TNFRSF11A: variants seen among roughly 807,000 people sequenced by gnomAD.
TNFRSF11A encodes the protein tumor necrosis factor receptor superfamily member 11A.
Under a neutral mutation model 55.7 loss-of-function variants are expected in TNFRSF11A, and 32 were observed. That is an observed-to-expected ratio of 0.57 (90% CI 0.43 to 0.77). The LOEUF (loss-of-function observed/expected upper bound fraction) is 0.77. Ranked by LOEUF, TNFRSF11A falls within the 30% of genes least tolerant of loss-of-function variation. The pLI is 0.00. For missense variants in TNFRSF11A, 753 were observed against 809.8 expected, an observed-to-expected ratio of 0.93 and a Z score of 0.85; for synonymous variants, 311 against 331.0, an observed-to-expected ratio of 0.94 and a Z score of 0.65.
At chr18:62,348,057 TCAAAAAAAA>T in intron 1 of TNFRSF11A, 102 bp from the exon 2 acceptor site, 1 of 726,452 alleles carries the variant, frequency 1.4e-6, no homozygotes, top group Admixed American at 2.4e-5. Flanking sequence ...GAAACTCCAT[TCAAAAAAAA>T]AAAAAAAAAA....
At chr18:62,365,363 A>T (rs904217051) in intron 7 of TNFRSF11A, among the ~76,000 whole-genome samples, 1 of 152,244 alleles carries the variant, frequency 6.6e-6, no homozygotes, top group African/African-American at 2.4e-5. Context: ...CTTAAAATTC[A>T]TAAAATTTAA....
chr18:62,384,985 C>G lies in TNFRSF11A; in HGVS notation c.1802C>G (p.Pro601Arg). Residue 601 changes from proline (P) to arginine (R), a missense_variant, in exon 10 of 10, where the codon CCG becomes CGG. Physicochemically the swap from Pro to Arg is moderately radical, Grantham distance 103. Around this residue, in one of 3 missense-constraint regions of TNFRSF11A, gnomAD observed 567 missense variants for 596.7 expected, o/e 0.95. Coordinates refer to ENST00000586569, the MANE Select transcript of TNFRSF11A (RefSeq NM_003839.4). ...GGCGGCCCCGAGGGGCTGCGGGAGC[C>G]GGAGAAGGCCTCGAGGCCGGTGCAG... Reference protein sequence around the residue: ...PCGGPEGLREPEKASRPVQEQ... With the variant: ...PCGGPEGLREREKASRPVQEQ... 6.8e-7 allele frequency: 1 copy of G among 1,470,850 alleles called. No individual in the cohort carries two copies. The highest frequency in any genetic ancestry group is 8.9e-7 in the Non-Finnish European group (1 of 1,121,252). The allele number at this position is 1,470,850 out of a possible 1,614,324, so 91.1% of individuals were successfully genotyped here. A position where few individuals can be genotyped will look rare whatever the true frequency, so the allele number is the denominator to read the frequency against.
In TNFRSF11A at chr18:62,360,017, G is replaced by C; in HGVS notation, c.584G>C (p.Ser195Thr). The change falls in exon 6 of 10, where the codon AGT (serine) becomes ACT (threonine). Residue 195 changes from serine (S) to threonine (T), a missense_variant. By Grantham distance (58) the Ser-to-Thr change is moderately conservative (BLOSUM62 1). Around this residue, in one of 3 missense-constraint regions of TNFRSF11A, gnomAD observed 567 missense variants for 596.7 expected, o/e 0.95. Transcript: ENST00000586569. ...HGTEKSDAVC[S>T]SSLPARKPPN... ...ACAGAGAAATCCGATGCGGTTTGCA[G>C]TTCTTCTCTGCCAGCTAGAAAACCA... 1 of 1,614,036 alleles carries C rather than the reference G, an allele frequency of 6.2e-7. No individual in the cohort carries two copies. Among genetic ancestry groups the C allele is most frequent in the Non-Finnish European group, 8.5e-7 (1 of 1,179,890 alleles).
chr18:62,333,176 G>T (rs1407031350), intron 1 of TNFRSF11A, among the ~76,000 whole-genome samples: 1 of 152,190 alleles, frequency 6.6e-6, no homozygotes, highest in Non-Finnish European at 1.5e-5. Flanking sequence ...TGGAGGCCTG[G>T]ATCACAAAGG....
intron 5 of TNFRSF11A, 146 bp from the exon 6 acceptor site, chr18:62,359,809 G>A (rs1211739169): frequency 1.4e-6 from 1 of 713,684 alleles, no homozygotes; most frequent in Non-Finnish European, 2.5e-6. Flanking sequence ...TCTCCTCCCT[G>A]TGGAAGGCAC....
At chr18:62,348,352 G>A (rs754049153) in intron 2 of TNFRSF11A, 103 bp downstream of exon 2, 26 of 967,934 alleles carry the variant, frequency 2.7e-5, no homozygotes, top group East Asian at 7.7e-5. Context: ...GGATAGACGC[G>A]TTATGGTAGT....
chr18:62,348,117 A>T (rs146527197), intron 1 of TNFRSF11A, 51 bp from the exon 2 acceptor site: 10 of 1,330,498 alleles, frequency 7.5e-6, no homozygotes, highest in Admixed American at 6.7e-5. Flanking sequence ...ACCTAGTTTT[A>T]TCCAGAAAGA....
chr18:62,345,539 A>C (rs1813462564), intron 1 of TNFRSF11A, among the ~76,000 whole-genome samples: 1 of 152,234 alleles, frequency 6.6e-6, no homozygotes, highest in Admixed American at 6.5e-5. Context: ...TCCCAGCAGC[A>C]AAATTTCTGC....
At chr18:62,371,226 C>T (rs555513704) in intron 9 of TNFRSF11A, among the ~76,000 whole-genome samples, 1 of 152,340 alleles carries the variant, frequency 6.6e-6, no homozygotes, top group Admixed American at 6.5e-5. Flanking sequence ...GACGTTCTGT[C>T]TCTGGCAGCA....
rs2046055940 is a variant in TNFRSF11A at position 62,325,382 on chromosome 18, G to A, written c.30G>A (p.Pro10=). The A allele has an allele frequency of 9.2e-7, 1 of 1,091,322 alleles. No homozygotes were observed. 67.6% of individuals were successfully genotyped at this position (1,091,322 alleles called of 1,614,324 possible). Residue 10 remains proline, a synonymous_variant, in exon 1 of 10, where the codon CCG becomes CCA. Transcript: ENST00000586569. This position sits in a 1 kb window ranked among gnomAD's most constrained non-coding sequence, Gnocchi z 4.7. ...CCCCGCGCGCCCGGCGGCGCCGCCC[G>A]CTGTTCGCGCTGCTGCTGCTCTGCG... MAPRARRRR[P]LFALLLLCAL...
intron 9 of TNFRSF11A, among the ~76,000 whole-genome samples, chr18:62,377,375 T>A (rs1318786464): frequency 6.6e-6 from 1 of 152,254 alleles, no homozygotes; most frequent in Non-Finnish European, 1.5e-5. Flanking sequence ...TGTGTGGACA[T>A]AAGTTTTCAA....
intron 9 of TNFRSF11A, among the ~76,000 whole-genome samples, chr18:62,372,457 T>C (rs1244889534): frequency 6.6e-6 from 1 of 151,856 alleles, no homozygotes; most frequent in East Asian, 1.9e-4. Context: ...ACTTCTGAGC[T>C]GGAGAAAGTT....
At chr18:62,384,334 C>G (rs1458759894) in intron 9 of TNFRSF11A, among the ~76,000 whole-genome samples, 11 of 145,018 alleles carry the variant, frequency 7.6e-5, no homozygotes, top group Non-Finnish European at 1.7e-4. Context: ...TCTCCTCCTC[C>G]TCCTCTTCCC....
chr18:62,384,745 C>T lies in TNFRSF11A; in HGVS notation c.1568-6C>T. The T allele has an allele frequency of 1.2e-6, 2 of 1,611,230 alleles. No individual in the cohort carries two copies. The highest frequency in any genetic ancestry group is 2.2e-5 in the South Asian group (2 of 90,200). ...CTCCCCGTGTTCTCCCTTCCTCTCC[C>T]CGCAGGAAATGTGACTGGAAACAGT... On this transcript the variant is annotated splice_region_variant and splice_polypyrimidine_tract_variant and intron_variant, in intron 9 of 9. Transcript: ENST00000586569.
Position 62,359,987 on chromosome 18 carries a change from A to G in TNFRSF11A, c.554A>G (p.His185Arg), listed in dbSNP as rs1347276281. The change falls in exon 6 of 10, where the codon CAT becomes CGT. Residue 185 changes from histidine (H) to arginine (R), a missense_variant. Around this residue, in one of 3 missense-constraint regions of TNFRSF11A, gnomAD observed 567 missense variants for 596.7 expected, o/e 0.95. Coordinates refer to ENST00000586569, the MANE Select transcript of TNFRSF11A (RefSeq NM_003839.4). ...TTCCTTGGAAAGAGAGTAGAACATCATGGGACAGAGAAATCCGATGCGGTT... is the reference window on the plus strand; with the variant it reads ...TTCCTTGGAAAGAGAGTAGAACATCGTGGGACAGAGAAATCCGATGCGGTT... ...CTFLGKRVEHHGTEKSDAVCS... is the reference protein window; with the variant it reads ...CTFLGKRVEHRGTEKSDAVCS... The G allele has an allele frequency of 2.5e-6, 4 of 1,613,920 alleles. No homozygotes were observed. The highest frequency in any genetic ancestry group is 3.4e-6 in the Non-Finnish European group (4 of 1,179,902).
rs1206891495 is a variant in TNFRSF11A, at chr18:62,388,348, T to C, written c.*3314T>C. 1.3e-5 allele frequency: 2 copies of C among 152,274 alleles called. No homozygotes were observed. The highest frequency in any genetic ancestry group is 2.9e-5 in the Non-Finnish European group (2 of 68,078). The allele number at this position is 152,274 out of a possible 1,614,324, so 9.4% of individuals were successfully genotyped here. A position where few individuals can be genotyped will look rare whatever the true frequency, so the allele number is the denominator to read the frequency against. On this transcript the variant is annotated 3_prime_UTR_variant, in exon 10 of 10. Transcript: ENST00000586569. Reference sequence around the variant, plus strand: ...GCCAGGCTTCTTGAGGCCTAGGCTCTAACTGGCATGCTGTCACTTCTGCCA... The same window carrying C: ...GCCAGGCTTCTTGAGGCCTAGGCTCCAACTGGCATGCTGTCACTTCTGCCA...
chr18:62,346,510 T>C (rs192295268), intron 1 of TNFRSF11A, among the ~76,000 whole-genome samples: 283 of 152,264 alleles, frequency 1.9e-3, no homozygotes, highest in African/African-American at 4.0e-3. Flanking sequence ...AGTGAATACA[T>C]GGGGAGCATC....
intron 1 of TNFRSF11A, among the ~76,000 whole-genome samples, chr18:62,333,553 T>G (rs1248655239): frequency 6.6e-6 from 1 of 152,212 alleles, no homozygotes; most frequent in Non-Finnish European, 1.5e-5. Flanking sequence ...TAATGCTCAC[T>G]CCACCTTGCT....
intron 4 of TNFRSF11A, 49 bp downstream of exon 4, chr18:62,354,583 G>A (rs1322744657): frequency 1.9e-6 from 3 of 1,599,094 alleles, no homozygotes; most frequent in South Asian, 1.1e-5. Context: ...GCCATGCAAA[G>A]CCAGCTTTGA....
Sources: allele counts gnomAD v4.1 joint callset (sites outside exome capture counted in the v4.1 genomes callset), GRCh38; gene constraint gnomAD v4.1.1; regional missense constraint gnomAD v4.1.1; non-coding constraint Gnocchi (gnomAD v3.1); transcripts MANE v1.5; gene names NCBI Gene and HGNC (gene_info 2026-07-23, HGNC 2026-07-21).